EEPD1: variants seen among roughly 807,000 people sequenced by gnomAD.
EEPD1 encodes the protein endonuclease/exonuclease/phosphatase family domain containing 1.
Under a neutral mutation model 46.3 loss-of-function variants are expected in EEPD1, and 17 were observed. The observed-to-expected ratio is 0.37, with a 90% confidence interval of 0.25 to 0.55. The LOEUF (loss-of-function observed/expected upper bound fraction) is 0.55. Among genes scored for constraint, EEPD1 ranks in the 20% least tolerant of loss-of-function variants. EEPD1 has a pLI of 0.83. For missense variants in EEPD1, 673 were observed against 745.6 expected (o/e 0.90, Z 1.13); for synonymous variants, 313 against 315.6 (o/e 0.99, Z 0.09).
At chr7:36,273,129 T>TAC (rs10578694) in intron 3 of EEPD1, among the ~76,000 whole-genome samples, 3,535 of 148,462 alleles carry the variant, frequency 0.024, 88 homozygotes, top group African/African-American at 0.066. Context: ...GGTGCATGCT[T>TAC]ACACACACAC....
chr7:36,236,730 A>T (rs1786451328), intron 2 of EEPD1, among the ~76,000 whole-genome samples: 1 of 152,138 alleles, frequency 6.6e-6, no homozygotes, highest in East Asian at 1.9e-4. Context: ...TGTCTAGCTA[A>T]AGGATTGTAA....
chr7:36,210,034 T>C (rs1357392658), intron 2 of EEPD1, among the ~76,000 whole-genome samples: 1 of 151,784 alleles, frequency 6.6e-6, no homozygotes, highest in African/African-American at 2.4e-5. Context: ...GAGAGGACGT[T>C]GAGGCAGGTT....
intron 2 of EEPD1, among the ~76,000 whole-genome samples, chr7:36,238,025 G>C (rs2115781377): frequency 6.6e-6 from 1 of 152,236 alleles, no homozygotes; most frequent in East Asian, 1.9e-4. Flanking sequence ...GATTATTTAT[G>C]AGTTTTCTAG....
rs1297204533 is a variant in EEPD1 at position 36,277,761 on chromosome 7, T to C, written c.931-3354T>C. On this transcript the variant is annotated intron_variant, in intron 3 of 7. Coordinates refer to ENST00000242108, the MANE Select transcript of EEPD1 (RefSeq NM_030636.3). The stretch of plus-strand genomic sequence containing the variant: ...TTGTAGCCATAAACACTTATCTCCC[T>C]CGTCGCTCAAGTTATTAACTATCCC... 3.9e-5 allele frequency among the ~76,000 whole-genome samples: 6 copies of C among 152,310 alleles called. No homozygotes were observed. In the East Asian group the frequency reaches 1.2e-3, roughly 29 times the overall value.
intron 6 of EEPD1, among the ~76,000 whole-genome samples, chr7:36,289,740 C>T (rs1201953837): frequency 2.6e-5 from 4 of 152,180 alleles, no homozygotes; most frequent in Non-Finnish European, 4.4e-5. Context: ...GTGATCTGCC[C>T]GCCTCGGCCT....
intron 2 of EEPD1, among the ~76,000 whole-genome samples, chr7:36,167,280 T>G (rs1785001164): frequency 6.6e-6 from 1 of 152,186 alleles, no homozygotes; most frequent in African/African-American, 2.4e-5. Context: ...TAAGAAAAAT[T>G]ACCCAGGGGT....
chr7:36,196,547 G>C (rs950635431), intron 2 of EEPD1, among the ~76,000 whole-genome samples: 2 of 152,190 alleles, frequency 1.3e-5, no homozygotes, highest in Non-Finnish European at 2.9e-5. Context: ...CAGTGCCTGC[G>C]ATTGCAGGCG....
intron 2 of EEPD1, among the ~76,000 whole-genome samples, chr7:36,191,019 C>A (rs530498524): frequency 3.9e-5 from 6 of 152,348 alleles, no homozygotes; most frequent in African/African-American, 1.4e-4. Context: ...TCTAGACTTA[C>A]AATGATTTCT....
At chr7:36,214,279 CAT>C (rs1381662665) in intron 2 of EEPD1, among the ~76,000 whole-genome samples, 1 of 152,174 alleles carries the variant, frequency 6.6e-6, no homozygotes, top group Non-Finnish European at 1.5e-5. Context: ...AAGAAGTTCA[CAT>C]AGTAAACTGA....
intron 2 of EEPD1, among the ~76,000 whole-genome samples, chr7:36,185,991 G>A (rs747738190): frequency 3.9e-5 from 6 of 152,124 alleles, no homozygotes; most frequent in Non-Finnish European, 5.9e-5. Context: ...CTACTATGTC[G>A]ACATATTTGA....
At chr7:36,293,686 G>T (rs143628120) in intron 6 of EEPD1, among the ~76,000 whole-genome samples, 1 of 152,044 alleles carries the variant, frequency 6.6e-6, no homozygotes, top group Non-Finnish European at 1.5e-5. Context: ...ATGTTTAGCC[G>T]GGCGCCATGG....
intron 2 of EEPD1, among the ~76,000 whole-genome samples, chr7:36,173,101 T>G (rs181007550): frequency 9.6e-4 from 146 of 152,222 alleles, no homozygotes; most frequent in African/African-American, 3.4e-3. Flanking sequence ...AAATCTCTTC[T>G]TGAACTGTAA....
chr7:36,170,566 CTTT>C (rs58354576), intron 2 of EEPD1, among the ~76,000 whole-genome samples: 47,105 of 142,002 alleles, frequency 0.33, 7,724 homozygotes, highest in African/African-American at 0.42. Flanking sequence ...TTAAAAGTGT[CTTT>C]TTTTTTTTTT....
At chr7:36,231,189 C>G (rs1022043157) in intron 2 of EEPD1, 7 of 152,442 alleles carry the variant, frequency 4.6e-5, no homozygotes, top group Non-Finnish European at 1.0e-4. Context: ...TCTGTCACCT[C>G]AGTGCTGCTG....
intron 6 of EEPD1, among the ~76,000 whole-genome samples, chr7:36,292,174 G>A (rs1160936908): frequency 2.0e-5 from 3 of 152,074 alleles, no homozygotes; most frequent in African/African-American, 7.2e-5. Flanking sequence ...CGCTTCTGGC[G>A]GCTCCTCTAA....
At chr7:36,280,955 C>T (rs1312779743) in intron 3 of EEPD1, 160 bp from the exon 4 acceptor site, 2 of 563,850 alleles carry the variant, frequency 3.5e-6, no homozygotes, top group Non-Finnish European at 6.2e-6. Flanking sequence ...TCATCTGGCT[C>T]TTGCAAACCC....
intron 2 of EEPD1, among the ~76,000 whole-genome samples, chr7:36,178,916 T>G (rs908239229): frequency 3.3e-5 from 5 of 152,260 alleles, no homozygotes; most frequent in African/African-American, 1.2e-4. Flanking sequence ...ACCCTTTCTC[T>G]GAGTCTCTGT....
chr7:36,214,822 T>C (rs534487599), intron 2 of EEPD1, among the ~76,000 whole-genome samples: 5 of 152,284 alleles, frequency 3.3e-5, no homozygotes, highest in African/African-American at 1.2e-4. Context: ...TGGAAGTGCT[T>C]TTGAAGTTGA....
chr7:36,232,929 A>C (rs771318912), intron 2 of EEPD1, among the ~76,000 whole-genome samples: 1 of 152,104 alleles, frequency 6.6e-6, no homozygotes, highest in Non-Finnish European at 1.5e-5. Context: ...GTAATATCTT[A>C]GTGAATAGTA....
Sources: gnomAD v4.1 joint callset for allele counts (sites outside exome capture counted in the v4.1 genomes callset) on GRCh38, gnomAD v4.1.1 for gene constraint, MANE v1.5 for transcripts, NCBI Gene and HGNC (gene_info 2026-07-23, HGNC 2026-07-21) for gene names.